MYO5C: variants seen among roughly 807,000 people sequenced by gnomAD.
MYO5C encodes the protein unconventional myosin-Vc.
In MYO5C, 194 loss-of-function variants were observed where a neutral mutation model predicts 235.7. The ratio of observed to expected loss-of-function variants is 0.82; its 90% CI spans 0.73 to 0.93. The LOEUF (loss-of-function observed/expected upper bound fraction) is 0.93, where lower values mean the gene tolerates loss of function less well. MYO5C is among the 40% of genes least tolerant of loss of function. The pLI is 0.00. For missense variants in MYO5C, 2,038 were observed against 2,127.2 expected (o/e 0.96, Z 0.82); for synonymous variants, 707 against 754.8 (o/e 0.94, Z 1.04).
At chr15:52,223,008 C>G (rs148169099) in intron 29 of MYO5C, among the ~76,000 whole-genome samples, 3,613 of 151,986 alleles carry the variant, frequency 0.024, 63 homozygotes, top group Non-Finnish European at 0.034. Context: ...AATTAGCTGA[C>G]CGTGATGGTG....
intron 16 of MYO5C, 24 bp downstream of exon 16, chr15:52,246,893 T>C: frequency 2.5e-6 from 4 of 1,586,856 alleles, no homozygotes; most frequent in African/African-American, 1.3e-5. Context: ...ACGTCTTCGC[T>C]GTGTGTTGCA....
chr15:52,232,567 A>G (rs188333978), intron 24 of MYO5C, 55 bp downstream of exon 24: 3 of 1,542,446 alleles, frequency 1.9e-6, no homozygotes, highest in African/African-American at 1.4e-5. Flanking sequence ...TGGAAAATAT[A>G]AAACAGCACA....
At chr15:52,259,820 G>T (rs1481645503) in intron 10 of MYO5C, among the ~76,000 whole-genome samples, 1 of 152,256 alleles carries the variant, frequency 6.6e-6, no homozygotes, top group African/African-American at 2.4e-5. Flanking sequence ...CTGGGTGCAA[G>T]TCCAACAGCG....
At chr15:52,262,248 C>T (rs971569874) in intron 9 of MYO5C, among the ~76,000 whole-genome samples, 1 of 152,148 alleles carries the variant, frequency 6.6e-6, no homozygotes, top group Admixed American at 6.5e-5. Context: ...GGAGATGGAT[C>T]CCAAATCTAG....
At chr15:52,213,427 T>C (rs1217060921) in intron 33 of MYO5C, 141 bp from the exon 34 acceptor site, 1 of 608,156 alleles carries the variant, frequency 1.6e-6, no homozygotes, top group Non-Finnish European at 3.0e-6. Flanking sequence ...CTGTACTGTA[T>C]TGTATCCTGA....
chr15:52,261,084 A>G lies in MYO5C; in HGVS notation c.1091T>C (p.Leu364Pro). Residue 364 changes from leucine (L) to proline (P), a missense_variant, in exon 10 of 41, where the codon CTG becomes CCG. Physicochemically the swap from Leu to Pro is moderately conservative, Grantham distance 98. Transcript: ENST00000261839. ...CCACTGAGCAACTCTGCCACTCTCC[A>G]GGCCCAGGAGCTCACAGAACACCTT... is the stretch of plus-strand genomic sequence containing the variant. ...HLKVFCELLG[L>P]ESGRVAQWLC... 1 of 1,614,190 alleles carries G rather than the reference A, an allele frequency of 6.2e-7. No individual in the cohort carries two copies. The highest frequency in any genetic ancestry group is 8.5e-7 in the Non-Finnish European group (1 of 1,180,028).
intron 20 of MYO5C, among the ~76,000 whole-genome samples, chr15:52,241,776 C>T (rs1448847291): frequency 6.6e-6 from 1 of 152,058 alleles, no homozygotes; most frequent in Non-Finnish European, 1.5e-5. Context: ...GGGTCTCCCT[C>T]TGTCACCCAC....
Position 52,279,116 on chromosome 15 carries a change from C to A in MYO5C, c.305-99G>T, listed in dbSNP as rs1306770715. Reference sequence around the variant, plus strand: ...AACCCCAGCTCTGTCGCTTATTAAACCTTCTGTGTGACTTTGGGCAAGTCA... The same window carrying A: ...AACCCCAGCTCTGTCGCTTATTAAAACTTCTGTGTGACTTTGGGCAAGTCA... On this transcript the variant is annotated intron_variant, in intron 3 of 40. Coordinates refer to ENST00000261839, the MANE Select transcript of MYO5C (RefSeq NM_018728.4). 5.4e-6 allele frequency: 7 copies of A among 1,301,348 alleles called. No individual in the cohort carries two copies. The East Asian group carries it at 1.4e-4, about 26-fold the overall frequency. 80.6% of individuals were successfully genotyped at this position (1,301,348 alleles called of 1,614,324 possible). A position where few individuals can be genotyped will look rare whatever the true frequency, so the allele number is the denominator to read the frequency against.
intron 29 of MYO5C, among the ~76,000 whole-genome samples, chr15:52,221,572 G>A (rs1354693186): frequency 6.6e-6 from 1 of 152,142 alleles, no homozygotes; most frequent in Non-Finnish European, 1.5e-5. Flanking sequence ...AGCGTCTTTG[G>A]TCCAAGCCCA....
intron 1 of MYO5C, among the ~76,000 whole-genome samples, chr15:52,293,845 C>A (rs1219712372): frequency 6.6e-6 from 1 of 152,210 alleles, no homozygotes; most frequent in Non-Finnish European, 1.5e-5. Context: ...TCTGCCAGCC[C>A]CCACTCAAAA....
At chr15:52,206,108 C>T (rs763766654) in intron 36 of MYO5C, 142 bp from the exon 37 acceptor site, 5 of 507,754 alleles carry the variant, frequency 9.8e-6, no homozygotes, top group Non-Finnish European at 1.3e-5. Context: ...TAGCATGTAC[C>T]TTCTATAAGA....
intron 6 of MYO5C, among the ~76,000 whole-genome samples, 187 bp downstream of exon 6, chr15:52,272,393 C>A (rs1014968605): frequency 6.6e-6 from 1 of 152,182 alleles, no homozygotes; most frequent in African/African-American, 2.4e-5. Context: ...ATACAACTCA[C>A]CTGATATTAC....
chr15:52,267,642 C>T (rs2140837411), intron 8 of MYO5C, among the ~76,000 whole-genome samples: 1 of 152,268 alleles, frequency 6.6e-6, no homozygotes, highest in East Asian at 1.9e-4. Context: ...GCCGAGACTG[C>T]ACCATTGTAC....
At chr15:52,233,114 C>A (rs2036003242) in intron 23 of MYO5C, among the ~76,000 whole-genome samples, 1 of 34,612 alleles carries the variant, frequency 2.9e-5, no homozygotes, top group South Asian at 6.2e-4. Context: ...CCCGTCTCTA[C>A]TAAAAATACA....
In MYO5C at chr15:52,260,903, T is replaced by C. The variant is rs768251387; in HGVS notation, c.1272A>G (p.Ser424=). Residue 424 remains serine, a synonymous_variant, in exon 10 of 41, where the codon TCA becomes TCG. Coordinates refer to ENST00000261839, the MANE Select transcript of MYO5C (RefSeq NM_018728.4). ...CACCAATAAAAGTGTGCTGCTTGCC[T>C]GAAAACTGCAACGCTTGGTTAATTC... ...VERINQALQF[S]GKQHTFIGVL... is the part of the protein sequence containing the mutation. The C allele has an allele frequency of 6.2e-7, 1 of 1,614,222 alleles. No homozygotes were observed. Among genetic ancestry groups the C allele is most frequent in the Admixed American group, 1.7e-5 (1 of 60,024 alleles).
rs755582829 is a variant in MYO5C at position 52,211,903 on chromosome 15, A to G, written c.4142-19T>C. On this transcript the variant is annotated intron_variant, in intron 34 of 40. Coordinates refer to ENST00000261839, the MANE Select transcript of MYO5C (RefSeq NM_018728.4). Reference sequence around the variant, plus strand: ...TTCAAGTCTGAAGCAGAGAGAGCCAATGAGGATTACAGCTGACAGGTCAGC... The same window carrying G: ...TTCAAGTCTGAAGCAGAGAGAGCCAGTGAGGATTACAGCTGACAGGTCAGC... 7 of 1,611,620 alleles carry G rather than the reference A, an allele frequency of 4.3e-6. No homozygotes were observed. The highest frequency in any genetic ancestry group is 5.9e-6 in the Non-Finnish European group (7 of 1,178,690).
chr15:52,214,788 C>T (rs2035518697), intron 32 of MYO5C, 98 bp from the exon 33 acceptor site: 3 of 660,404 alleles, frequency 4.5e-6, no homozygotes, highest in Non-Finnish European at 7.4e-6. Context: ...AATTTGCATA[C>T]CGTACAACTC....
chr15:52,244,597 T>A, intron 18 of MYO5C, 30 bp from the exon 19 acceptor site: 1 of 1,484,352 alleles, frequency 6.7e-7, no homozygotes, highest in Non-Finnish European at 9.3e-7. Flanking sequence ...TAGTTAGAAT[T>A]AAAATCTGTC....
intron 25 of MYO5C, among the ~76,000 whole-genome samples, chr15:52,228,404 A>C (rs1259361777): frequency 6.6e-6 from 1 of 152,208 alleles, no homozygotes; most frequent in Non-Finnish European, 1.5e-5. Flanking sequence ...GGCCTCCCAA[A>C]GTGCTGGGAT....
Sources: allele counts gnomAD v4.1 joint callset (sites outside exome capture counted in the v4.1 genomes callset), GRCh38; gene constraint gnomAD v4.1.1; transcripts MANE v1.5; gene names NCBI Gene and HGNC (gene_info 2026-07-23, HGNC 2026-07-21).